TRABD2B: variants seen among roughly 807,000 people sequenced by gnomAD.
TRABD2B encodes the protein metalloprotease TIKI2.
Under a neutral mutation model 40.1 loss-of-function variants are expected in TRABD2B, and 14 were observed. The observed-to-expected ratio is 0.35, with a 90% CI of 0.23 to 0.55. The LOEUF (loss-of-function observed/expected upper bound fraction) is 0.55. Among genes scored for constraint, TRABD2B ranks in the 20% least tolerant of loss-of-function variants. The probability of loss-of-function intolerance (pLI) is 0.90; values close to 1 mark genes in which losing one functional copy is unlikely to be tolerated. For missense variants in TRABD2B, 541 were observed against 648.6 expected (o/e 0.83, Z 1.80); for synonymous variants, 263 against 277.0 (o/e 0.95, Z 0.50).
At chr1:47,977,524 T>C (rs888712123) in intron 2 of TRABD2B, among the ~76,000 whole-genome samples, 1 of 152,076 alleles carries the variant, frequency 6.6e-6, no homozygotes, top group Admixed American at 6.6e-5. Context: ...CCTAAGAAGA[T>C]AGGTATTCTT....
intron 2 of TRABD2B, among the ~76,000 whole-genome samples, chr1:47,899,087 G>A (rs186994705): frequency 6.6e-6 from 1 of 152,340 alleles, no homozygotes; most frequent in East Asian, 1.9e-4. Context: ...ACCCTGGCCT[G>A]GGCCCATAAG....
chr1:47,845,986 T>C (rs1570110566), intron 2 of TRABD2B, among the ~76,000 whole-genome samples: 2 of 152,008 alleles, frequency 1.3e-5, no homozygotes, highest in African/African-American at 4.8e-5. Flanking sequence ...GCTGGGAAAG[T>C]GAAAGGGTGG....
chr1:47,966,163 G>A (rs555231429), intron 2 of TRABD2B, among the ~76,000 whole-genome samples: 1 of 152,156 alleles, frequency 6.6e-6, no homozygotes, highest in Non-Finnish European at 1.5e-5. Flanking sequence ...GCAGGGCTGT[G>A]TGTTATGACG....
chr1:47,933,503 T>C (rs1645068178), intron 2 of TRABD2B, among the ~76,000 whole-genome samples: 1 of 152,194 alleles, frequency 6.6e-6, no homozygotes, highest in Non-Finnish European at 1.5e-5. Context: ...ACCACACTGC[T>C]GTTACTCAGC....
chr1:47,947,146 G>T (rs188278570), intron 2 of TRABD2B, among the ~76,000 whole-genome samples: 206 of 152,250 alleles, frequency 1.4e-3, no homozygotes, highest in African/African-American at 4.6e-3. Flanking sequence ...ATTCTCAAAA[G>T]CAAGAGCTGT....
intron 2 of TRABD2B, among the ~76,000 whole-genome samples, chr1:47,950,072 TCA>T: frequency 6.6e-6 from 1 of 151,934 alleles, no homozygotes; most frequent in Non-Finnish European, 1.5e-5. Flanking sequence ...GATCACGAGG[TCA>T]GGAGATCGAG....
chr1:47,895,131 A>G (rs1392597771), intron 2 of TRABD2B, among the ~76,000 whole-genome samples: 1 of 152,150 alleles, frequency 6.6e-6, no homozygotes, highest in Non-Finnish European at 1.5e-5. Context: ...TTTGACACTC[A>G]ACAAAGGAAT....
intron 2 of TRABD2B, among the ~76,000 whole-genome samples, chr1:47,908,875 G>T (rs1037607476): frequency 2.0e-5 from 3 of 152,242 alleles, no homozygotes; most frequent in African/African-American, 7.2e-5. Flanking sequence ...AGGACAGTCT[G>T]TCTGAACTGC....
intron 2 of TRABD2B, among the ~76,000 whole-genome samples, chr1:47,867,853 G>A (rs1644082487): frequency 6.6e-6 from 1 of 152,202 alleles, no homozygotes. Flanking sequence ...AATGTGGCTG[G>A]AATCAATAAC....
intron 2 of TRABD2B, among the ~76,000 whole-genome samples, chr1:47,969,898 GC>G (rs1339428037): frequency 6.6e-6 from 1 of 152,024 alleles, no homozygotes; most frequent in African/African-American, 2.4e-5. Context: ...CCTCGAAGCT[GC>G]CCCTTCCAGT....
chr1:47,846,436 G>A (rs1645471111), intron 2 of TRABD2B, among the ~76,000 whole-genome samples: 1 of 152,216 alleles, frequency 6.6e-6, no homozygotes, highest in Admixed American at 6.5e-5. Context: ...CCGAAGGCCT[G>A]AGTTCCTAGC....
intron 2 of TRABD2B, among the ~76,000 whole-genome samples, chr1:47,848,244 T>C (rs1367850901): frequency 6.6e-6 from 1 of 152,182 alleles, no homozygotes; most frequent in Non-Finnish European, 1.5e-5. Flanking sequence ...GGGATACACA[T>C]ATTACCCCCA....
chr1:47,920,501 C>G (rs886680145), intron 2 of TRABD2B, among the ~76,000 whole-genome samples: 2 of 152,212 alleles, frequency 1.3e-5, no homozygotes, highest in African/African-American at 4.8e-5. Context: ...TGGGGGCAGC[C>G]CCACTGGCTC....
At chr1:47,792,904 T>C (rs1239195885) in intron 4 of TRABD2B, among the ~76,000 whole-genome samples, 1 of 152,030 alleles carries the variant, frequency 6.6e-6, no homozygotes, top group Non-Finnish European at 1.5e-5. Context: ...TGGAGTCTAC[T>C]GGGGGCTGTT....
chr1:47,974,884 G>T (rs1447592175), intron 2 of TRABD2B, among the ~76,000 whole-genome samples: 1 of 152,202 alleles, frequency 6.6e-6, no homozygotes, highest in Admixed American at 6.5e-5. Context: ...GATGTGAGGA[G>T]AATAGCACTT....
In TRABD2B at chr1:47,908,293, C is replaced by A. The variant is rs955070762; in HGVS notation, c.666+85741G>T. Reference sequence around the variant, plus strand: ...TCAAATGTTAACAGTGGGTATCCCACCAGATGGTGGAATTTTATAATTTTT... The same window carrying A: ...TCAAATGTTAACAGTGGGTATCCCAACAGATGGTGGAATTTTATAATTTTT... On this transcript the variant is annotated intron_variant, in intron 2 of 6. Transcript: ENST00000606738. 2.6e-5 allele frequency among the ~76,000 whole-genome samples: 4 copies of A among 152,250 alleles called. 1 individual carries two copies. The South Asian group carries it at 8.3e-4, about 32-fold the overall frequency.
intron 2 of TRABD2B, among the ~76,000 whole-genome samples, chr1:47,858,919 C>A (rs1016249293): frequency 1.3e-5 from 2 of 152,152 alleles, no homozygotes; most frequent in African/African-American, 4.8e-5. Context: ...GCATGGGAAC[C>A]ATGGTGGCTT....
At chr1:47,815,840 G>C (rs183178863) in intron 2 of TRABD2B, among the ~76,000 whole-genome samples, 1 of 149,728 alleles carries the variant, frequency 6.7e-6, no homozygotes, top group East Asian at 1.9e-4. Context: ...TAGATAGATA[G>C]ATAGATAGAT....
intron 3 of TRABD2B, among the ~76,000 whole-genome samples, chr1:47,801,207 C>A (rs966786301): frequency 2.6e-5 from 4 of 152,172 alleles, no homozygotes; most frequent in Admixed American, 2.6e-4. Context: ...CCTGGTCTTA[C>A]AAGCTAAGTT....
Sources: allele counts gnomAD v4.1 joint callset (sites outside exome capture counted in the v4.1 genomes callset), GRCh38; gene constraint gnomAD v4.1.1; transcripts MANE v1.5; gene names NCBI Gene and HGNC (gene_info 2026-07-23, HGNC 2026-07-21).